LRRC37A2: variants seen among roughly 807,000 people sequenced by gnomAD.
LRRC37A2 encodes the protein leucine-rich repeat-containing protein 37A2.
Under a neutral mutation model 68.8 loss-of-function variants are expected in LRRC37A2, and 9 were observed. The observed-to-expected ratio is 0.13, with a 90% CI of 0.08 to 0.23. The LOEUF is 0.23. Ranked by LOEUF, LRRC37A2 falls within the 10% of genes least tolerant of loss-of-function variation. The pLI, the probability that LRRC37A2 is intolerant of heterozygous loss-of-function variation, is 1.00. For missense variants in LRRC37A2, 168 were observed against 950.4 expected (o/e 0.18, Z 10.82); for synonymous variants, 63 against 367.6 (o/e 0.17, Z 9.48).
At chr17:46,856,524 G>A in the LRRC37A2 span, among the ~76,000 whole-genome samples, 195 of 145,476 alleles carry the variant, frequency 1.3e-3, 1 homozygote, top group Middle Eastern at 0.014. Flanking sequence ...TCACTATGTC[G>A]CCCAGGCTGG....
chr17:46,779,100 CACA>C, the LRRC37A2 span, among the ~76,000 whole-genome samples: 27 of 144,828 alleles, frequency 1.9e-4, 1 homozygote, highest in African/African-American at 6.4e-4. Flanking sequence ...CACACACACA[CACA>C]CCCCAGCCCA....
chr17:47,017,567 G>T, the LRRC37A2 span: 4 of 1,598,170 alleles, frequency 2.5e-6, no homozygotes, highest in South Asian at 4.4e-5. Flanking sequence ...AGCCAGAGCA[G>T]TTCTTGGCTT....
At chr17:46,866,611 G>T in the LRRC37A2 span, among the ~76,000 whole-genome samples, 1 of 152,056 alleles carries the variant, frequency 6.6e-6, no homozygotes, top group South Asian at 2.1e-4. Context: ...CATCTGATGG[G>T]GTTTTTCAGG....
the LRRC37A2 span, chr17:47,018,566 C>G: frequency 3.0e-4 from 451 of 1,520,190 alleles, 3 homozygotes; most frequent in African/African-American, 5.7e-3. Context: ...AGCACGGGGG[C>G]CCACATCTGC....
At chr17:46,752,559 G>A in the LRRC37A2 span, among the ~76,000 whole-genome samples, 1 of 152,106 alleles carries the variant, frequency 6.6e-6, no homozygotes, top group African/African-American at 2.4e-5. Flanking sequence ...AGGCTCAGGC[G>A]TTCCTCCCGT....
At chr17:46,875,157 C>A in the LRRC37A2 span, 15 of 1,614,042 alleles carry the variant, frequency 9.3e-6, no homozygotes, top group Non-Finnish European at 1.3e-5. Context: ...CACCCACACC[C>A]TGGCCCGGGC....
At chr17:46,631,082 A>ACACACACACACACACACACACG in the LRRC37A2 span, among the ~76,000 whole-genome samples, 190 of 141,440 alleles carry the variant, frequency 1.3e-3, no homozygotes, top group East Asian at 7.5e-3. Flanking sequence ...ACACACACAC[A>ACACACACACACACACACACACG]CACACACACA....
the LRRC37A2 span, among the ~76,000 whole-genome samples, chr17:46,621,412 A>C: frequency 9.2e-6 from 1 of 108,502 alleles, no homozygotes; most frequent in African/African-American, 4.0e-5. Flanking sequence ...TCAGCCTCCC[A>C]AGTAGCTGGG....
chr17:46,865,499 T>A, the LRRC37A2 span, among the ~76,000 whole-genome samples: 2 of 150,970 alleles, frequency 1.3e-5, no homozygotes, highest in Non-Finnish European at 3.0e-5. Flanking sequence ...GGATGGAGGG[T>A]GAGAGCTGGG....
the LRRC37A2 span, among the ~76,000 whole-genome samples, chr17:46,493,537 A>AT: frequency 3.8e-4 from 15 of 39,532 alleles, 1 homozygote; most frequent in South Asian, 1.4e-3. Context: ...ATTTTATTTT[A>AT]TTTATTTATT....
the LRRC37A2 span, chr17:46,475,102 GAA>G: frequency 1.6e-6 from 2 of 1,232,256 alleles, no homozygotes; most frequent in South Asian, 4.0e-5. Context: ...AAAATGAAGC[GAA>G]GTCAATCTGT....
the LRRC37A2 span, among the ~76,000 whole-genome samples, chr17:46,708,031 CAAAAAA>C: frequency 4.7e-5 from 4 of 85,556 alleles, no homozygotes; most frequent in Non-Finnish European, 7.8e-5. Flanking sequence ...GACCCTGTCT[CAAAAAA>C]AAAAAAAAAA....
the LRRC37A2 span, among the ~76,000 whole-genome samples, chr17:46,491,144 G>A: frequency 2.0e-5 from 3 of 151,010 alleles, no homozygotes; most frequent in South Asian, 2.1e-4. Context: ...CGATCCGCCC[G>A]CCTCAGCTTC....
chr17:46,629,882 A>G, the LRRC37A2 span, among the ~76,000 whole-genome samples: 1 of 113,258 alleles, frequency 8.8e-6, no homozygotes, highest in Non-Finnish European at 1.8e-5. Flanking sequence ...GTAACAAAGA[A>G]CCATTACTGG....
At chr17:47,003,578 T>G in the LRRC37A2 span, among the ~76,000 whole-genome samples, 2 of 152,208 alleles carry the variant, frequency 1.3e-5, no homozygotes, top group Non-Finnish European at 2.9e-5. Flanking sequence ...TTTAGCTGGA[T>G]GGAAGGATGC....
the LRRC37A2 span, among the ~76,000 whole-genome samples, chr17:46,730,438 C>T: frequency 6.6e-5 from 10 of 152,222 alleles, no homozygotes; most frequent in South Asian, 6.2e-4. Flanking sequence ...AACAGAGGTA[C>T]ACCCCCTTGG....
chr17:46,772,480 A>AG, the LRRC37A2 span, among the ~76,000 whole-genome samples: 5 of 152,196 alleles, frequency 3.3e-5, no homozygotes, highest in Non-Finnish European at 5.9e-5. Context: ...ACCTGGCCCG[A>AG]GGAGGGGCAC....
the LRRC37A2 span, among the ~76,000 whole-genome samples, chr17:46,621,371 C>T: frequency 7.4e-6 from 1 of 134,708 alleles, no homozygotes; most frequent in East Asian, 2.2e-4. Context: ...ACTGCAAGCT[C>T]CGCCTCCCGG....
At chr17:46,437,831 C>T in the LRRC37A2 span, among the ~76,000 whole-genome samples, 1 of 96,082 alleles carries the variant, frequency 1.0e-5, no homozygotes, top group African/African-American at 3.1e-5. Flanking sequence ...CTAATCCACA[C>T]GTTAGATATA....
Sources: allele counts gnomAD v4.1 joint callset (sites outside exome capture counted in the v4.1 genomes callset), GRCh38; gene constraint gnomAD v4.1.1; transcripts MANE v1.5; gene names NCBI Gene and HGNC (gene_info 2026-07-23, HGNC 2026-07-21).